The following CHN1 variants were observed in gnomAD, a reference collection of about 807,000 sequenced individuals.
The protein encoded by CHN1 is chimerin 1, also known as N-chimaerin.
A neutral mutation model predicts 59.5 loss-of-function variants in CHN1; 37 were observed. That is an observed-to-expected ratio of 0.62 (90% CI 0.48 to 0.82). The LOEUF is 0.82. CHN1 is among the 40% of genes least tolerant of loss of function. The pLI is 0.00. For synonymous variants in CHN1, 206 were observed against 200.4 expected (o/e 1.03, Z -0.24); for missense variants, 469 against 571.0 (o/e 0.82, Z 1.82).
intron 3 of CHN1, among the ~76,000 whole-genome samples, chr2:174,935,431 T>C (rs1258845029): frequency 6.6e-6 from 1 of 152,210 alleles, no homozygotes; most frequent in African/African-American, 2.4e-5. Flanking sequence ...TAAGCCATAT[T>C]ATAAGAACAT....
chr2:174,898,839 T>C (rs1267976960), intron 5 of CHN1, among the ~76,000 whole-genome samples: 1 of 152,184 alleles, frequency 6.6e-6, no homozygotes, highest in Non-Finnish European at 1.5e-5. Context: ...ATAACAAAAT[T>C]AATAAACTAA....
chr2:174,916,030 T>C (rs370533246), intron 4 of CHN1, among the ~76,000 whole-genome samples: 62 of 152,284 alleles, frequency 4.1e-4, no homozygotes, highest in African/African-American at 1.3e-3. Context: ...AAACATCAAA[T>C]GCAGACACAG....
At chr2:174,863,978 C>CATT in intron 6 of CHN1, among the ~76,000 whole-genome samples, 1 of 152,234 alleles carries the variant, frequency 6.6e-6, no homozygotes, top group East Asian at 1.9e-4. Flanking sequence ...TAAGTACTAG[C>CATT]ATTAGTAAGA....
intron 5 of CHN1, among the ~76,000 whole-genome samples, chr2:174,910,936 T>C (rs1441625957): frequency 6.7e-6 from 1 of 148,774 alleles, no homozygotes; most frequent in South Asian, 2.1e-4. Context: ...AGAAAGTAGA[T>C]ATCAAATATT....
chr2:174,966,396 A>G (rs1027899109), intron 1 of CHN1, among the ~76,000 whole-genome samples: 1 of 152,150 alleles, frequency 6.6e-6, no homozygotes, highest in African/African-American at 2.4e-5. Context: ...TAACTTCATC[A>G]AAGATCACAG....
chr2:174,903,570 T>C (rs1688454356), intron 5 of CHN1, among the ~76,000 whole-genome samples: 1 of 152,232 alleles, frequency 6.6e-6, no homozygotes, highest in African/African-American at 2.4e-5. Flanking sequence ...TAATTTATCA[T>C]TCTAAACACT....
chr2:174,986,617 A>G (rs1475553079), intron 1 of CHN1, among the ~76,000 whole-genome samples: 2 of 133,398 alleles, frequency 1.5e-5, no homozygotes, highest in Non-Finnish European at 3.4e-5. Flanking sequence ...GTTACCCTTA[A>G]GACAGTAAGA....
intron 5 of CHN1, among the ~76,000 whole-genome samples, chr2:174,891,568 CAAA>C (rs80048899): frequency 1.1e-5 from 1 of 93,660 alleles, no homozygotes. Flanking sequence ...GACTCCATCT[CAAA>C]AAAAAAAAAA....
At chr2:174,835,993 A>C (rs1686062208) in intron 7 of CHN1, among the ~76,000 whole-genome samples, 1 of 152,186 alleles carries the variant, frequency 6.6e-6, no homozygotes, top group Admixed American at 6.5e-5. Context: ...AGACTCAAGA[A>C]GGCTCCTCGG....
intron 1 of CHN1, among the ~76,000 whole-genome samples, chr2:174,962,535 T>C (rs1312679194): frequency 6.6e-6 from 1 of 152,046 alleles, no homozygotes; most frequent in Non-Finnish European, 1.5e-5. Flanking sequence ...TCAAACTCCA[T>C]CAGCAGAATA....
At chr2:174,846,766 C>G (rs1686530161) in intron 7 of CHN1, 114 bp downstream of exon 7, 3 of 1,080,212 alleles carry the variant, frequency 2.8e-6, no homozygotes, top group Non-Finnish European at 3.9e-6. Context: ...CCTTAAATAG[C>G]AAGAACATTT....
intron 7 of CHN1, among the ~76,000 whole-genome samples, chr2:174,838,096 T>G (rs1304015973): frequency 6.6e-6 from 1 of 151,350 alleles, no homozygotes; most frequent in Non-Finnish European, 1.5e-5. Context: ...ACCTCACTCT[T>G]TTTTTTTTCT....
intron 1 of CHN1, among the ~76,000 whole-genome samples, chr2:174,975,467 C>T (rs1370802491): frequency 1.2e-4 from 19 of 152,096 alleles, no homozygotes; most frequent in Admixed American, 1.2e-3. Context: ...CAACACTTCA[C>T]CTTTAAATCA....
At chr2:174,980,236 TAAAA>T (rs1055425906) in intron 1 of CHN1, among the ~76,000 whole-genome samples, 32 of 152,000 alleles carry the variant, frequency 2.1e-4, no homozygotes, top group African/African-American at 7.5e-4. Context: ...AAGACTTACG[TAAAA>T]AAAAGTTTTC....
intron 3 of CHN1, among the ~76,000 whole-genome samples, chr2:174,935,799 G>A (rs1429523475): frequency 2.0e-5 from 3 of 151,900 alleles, no homozygotes; most frequent in East Asian, 1.9e-4. Flanking sequence ...CAGGCACGGC[G>A]GTGCACACAT....
intron 1 of CHN1, among the ~76,000 whole-genome samples, chr2:175,002,363 T>C (rs561139080): frequency 1.3e-5 from 2 of 152,220 alleles, no homozygotes; most frequent in Admixed American, 6.5e-5. Flanking sequence ...ATTAAAAATA[T>C]GTTAAGCAGC....
chr2:174,990,045 A>G (rs1035966156), intron 1 of CHN1, among the ~76,000 whole-genome samples: 2 of 152,190 alleles, frequency 1.3e-5, no homozygotes. Context: ...ATCAATTATT[A>G]TACTTGAATA....
chr2:174,803,184 C>T (rs1574032778), intron 11 of CHN1, among the ~76,000 whole-genome samples: 1 of 152,106 alleles, frequency 6.6e-6, no homozygotes, highest in Non-Finnish European at 1.5e-5. Flanking sequence ...GTGTTTCTAA[C>T]TTATAAAACA....
Position 175,005,072 on chromosome 2 carries a change from G to C in CHN1, c.-160C>G, listed in dbSNP as rs572040045. 3.4e-4 allele frequency: 460 copies of C among 1,339,866 alleles called. 1 individual carries two copies. The African/African-American group carries it at 6.6e-3, about 19-fold the overall frequency. 83.0% of individuals were successfully genotyped at this position (1,339,866 alleles called of 1,614,324 possible). A position where few individuals can be genotyped will look rare whatever the true frequency, so the allele number is the denominator to read the frequency against. ...CCGGGGAGGCTGCAGGCCGGGACGC[G>C]GGGGACCGCTGCAAGAAAAAGTTAT... On this transcript the variant is annotated 5_prime_UTR_variant, in exon 1 of 13. Transcript: ENST00000409900.
Sources: gnomAD v4.1 joint callset for allele counts (sites outside exome capture counted in the v4.1 genomes callset) on GRCh38, gnomAD v4.1.1 for gene constraint, MANE v1.5 for transcripts, NCBI Gene and HGNC (gene_info 2026-07-23, HGNC 2026-07-21) for gene names.